The following IGFBP7 variants were observed in gnomAD, a reference collection of about 807,000 sequenced individuals.
IGFBP7 encodes insulin like growth factor binding protein 7, also known as insulin-like growth factor-binding protein 7.
A neutral mutation model predicts 29.4 loss-of-function variants in IGFBP7; 31 were observed. The observed-to-expected ratio is 1.05, with a 90% confidence interval of 0.79 to 1.42. The LOEUF (loss-of-function observed/expected upper bound fraction) is 1.42, where lower values mean the gene tolerates loss of function less well. IGFBP7 is among the 40% of genes most tolerant of loss of function. The pLI is 0.00. For missense variants in IGFBP7, 393 were observed against 395.5 expected (o/e 0.99, Z 0.05); for synonymous variants, 172 against 174.9 (o/e 0.98, Z 0.13).
At chr4:57,049,351 G>A (rs1185248358) in intron 1 of IGFBP7, among the ~76,000 whole-genome samples, 2 of 151,888 alleles carry the variant, frequency 1.3e-5, no homozygotes, top group East Asian at 1.9e-4. Context: ...TTTTTGCTTC[G>A]TTGCTTTCTC....
intron 1 of IGFBP7, chr4:57,072,976 C>T (rs771721604): frequency 3.9e-5 from 33 of 845,452 alleles, no homozygotes; most frequent in Non-Finnish European, 5.6e-5. Flanking sequence ...TGTATGATGT[C>T]AGGACCATCC....
chr4:57,081,243 CA>C (rs1725359822), intron 1 of IGFBP7, among the ~76,000 whole-genome samples: 1 of 152,012 alleles, frequency 6.6e-6, no homozygotes, highest in South Asian at 2.1e-4. Context: ...TGGAATTGCC[CA>C]TTTTTTTTTC....
chr4:57,035,575 C>T (rs975015518), intron 2 of IGFBP7, among the ~76,000 whole-genome samples: 2 of 152,218 alleles, frequency 1.3e-5, no homozygotes, highest in Non-Finnish European at 2.9e-5. Flanking sequence ...ATTCTCCTGC[C>T]TCAGCTTCCC....
chr4:57,079,840 C>G (rs746635845), intron 1 of IGFBP7, among the ~76,000 whole-genome samples: 1 of 152,194 alleles, frequency 6.6e-6, no homozygotes, highest in Non-Finnish European at 1.5e-5. Flanking sequence ...TTATCATTTA[C>G]TGAGTTTACT....
chr4:57,030,875 T>C lies in IGFBP7; in HGVS notation c.*442A>G. On this transcript the variant is annotated 3_prime_UTR_variant, in exon 5 of 5. Transcript: ENST00000295666. ...GGTCACTTCAATACAATTCTGCTAA[T>C]TACCATTTGTTTTTTCTTTTCAGAT... The C allele has an allele frequency of 7.0e-7, 1 of 1,433,258 alleles. No individual in the cohort carries two copies. Among genetic ancestry groups the C allele is most frequent in the Non-Finnish European group, 9.9e-7 (1 of 1,014,742 alleles). The allele number at this position is 1,433,258 out of a possible 1,614,324, so 88.8% of individuals were successfully genotyped here. A position where few individuals can be genotyped will look rare whatever the true frequency, so the allele number is the denominator to read the frequency against.
At chr4:57,036,911 T>C (rs1051018908) in intron 2 of IGFBP7, among the ~76,000 whole-genome samples, 21 of 152,318 alleles carry the variant, frequency 1.4e-4, no homozygotes, top group African/African-American at 5.1e-4. Flanking sequence ...TGATAGTAAA[T>C]ATGTTTGTAT....
intron 1 of IGFBP7, among the ~76,000 whole-genome samples, chr4:57,077,577 C>A (rs1461904349): frequency 1.3e-5 from 2 of 152,174 alleles, no homozygotes; most frequent in Non-Finnish European, 2.9e-5. Flanking sequence ...CACAGCTGAC[C>A]AAAAGAAGGC....
At chr4:57,070,636 C>T (rs1382569759) in intron 1 of IGFBP7, among the ~76,000 whole-genome samples, 2 of 152,176 alleles carry the variant, frequency 1.3e-5, no homozygotes, top group Admixed American at 6.5e-5. Context: ...TGATGTAAGG[C>T]TCTCAATCTC....
At chr4:57,045,924 C>T (rs1724346851) in intron 1 of IGFBP7, among the ~76,000 whole-genome samples, 1 of 152,020 alleles carries the variant, frequency 6.6e-6, no homozygotes, top group South Asian at 2.1e-4. Flanking sequence ...TGGGGTTTCA[C>T]CATGTTGGCC....
chr4:57,099,444 A>G (rs1392170431), intron 1 of IGFBP7, among the ~76,000 whole-genome samples: 2 of 152,182 alleles, frequency 1.3e-5, no homozygotes, highest in African/African-American at 4.8e-5. Context: ...TTATTACTCA[A>G]ACTGGGAAAA....
At chr4:57,070,815 C>A (rs1290094304) in intron 1 of IGFBP7, among the ~76,000 whole-genome samples, 1 of 152,228 alleles carries the variant, frequency 6.6e-6, no homozygotes, top group African/African-American at 2.4e-5. Context: ...ATGTTCAGTG[C>A]ATTTTTCTAC....
intron 2 of IGFBP7, among the ~76,000 whole-genome samples, chr4:57,040,269 C>T (rs772540321): frequency 6.6e-6 from 1 of 152,136 alleles, no homozygotes; most frequent in Non-Finnish European, 1.5e-5. Context: ...GAGAAGGCTA[C>T]AGGGCTTTGT....
chr4:57,051,888 ACTTTCAT>A (rs1363685999), intron 1 of IGFBP7, among the ~76,000 whole-genome samples: 2 of 152,158 alleles, frequency 1.3e-5, no homozygotes, highest in Non-Finnish European at 2.9e-5. Flanking sequence ...CAGAAATTAG[ACTTTCAT>A]CAAGGAAGGT....
At chr4:57,076,290 C>T (rs960154472) in intron 1 of IGFBP7, among the ~76,000 whole-genome samples, 1 of 152,164 alleles carries the variant, frequency 6.6e-6, no homozygotes, top group African/African-American at 2.4e-5. Context: ...CTGGGGGACA[C>T]CAATATTCAG....
At position 57,110,197 on chromosome 4, in the gene IGFBP7, T is replaced by C. The variant is rs1433927593; in HGVS notation, c.155A>G (p.Glu52Gly). The C allele has an allele frequency of 7.2e-7, 1 of 1,383,182 alleles. No individual in the cohort carries two copies. Among genetic ancestry groups the C allele is most frequent in the Non-Finnish European group, 9.3e-7 (1 of 1,077,754 alleles). 85.7% of individuals were successfully genotyped at this position (1,383,182 alleles called of 1,614,324 possible). ...PLPPLGCLLG[E>G]TRDACGCCPM... ...GCAGCAGCCGCACGCGTCGCGGGTC[T>C]CGCCCAGCAGGCAGCCCAGCGGGGG... The change falls in exon 1 of 5, where the codon GAG becomes GGG. Residue 52 changes from glutamate to glycine, a missense_variant. Physicochemically the swap from Glu to Gly is moderately conservative, Grantham distance 98. Coordinates refer to ENST00000295666, the MANE Select transcript of IGFBP7 (RefSeq NM_001553.3).
intron 1 of IGFBP7, among the ~76,000 whole-genome samples, chr4:57,072,443 G>A (rs985987921): frequency 1.4e-4 from 22 of 152,160 alleles, no homozygotes; most frequent in African/African-American, 4.6e-4. Context: ...TGTGGCAGAA[G>A]GATTGCTTGA....
intron 2 of IGFBP7, among the ~76,000 whole-genome samples, chr4:57,038,296 T>C (rs1449779253): frequency 6.6e-6 from 1 of 152,164 alleles, no homozygotes; most frequent in Non-Finnish European, 1.5e-5. Context: ...GTCTTTAAGC[T>C]GTAATAAAAA....
At position 57,048,507 on chromosome 4, in the gene IGFBP7, A is replaced by G. The variant is rs545329665; in HGVS notation, c.476-7574T>C. Among the ~76,000 whole-genome samples, 7 of 152,358 alleles carry G rather than the reference A, an allele frequency of 4.6e-5. No individual in the cohort carries two copies. In the East Asian group the frequency reaches 1.3e-3, roughly 29 times the overall value. Reference sequence around the variant, plus strand: ...AGATGGATGGATTTAAATTTGGAGTATTATGAGTTGGTTCAGAAGAATTTA... The same window carrying G: ...AGATGGATGGATTTAAATTTGGAGTGTTATGAGTTGGTTCAGAAGAATTTA... On this transcript the variant is annotated intron_variant, in intron 1 of 4. Transcript: ENST00000295666.
At chr4:57,054,397 G>A (rs1611781) in intron 1 of IGFBP7, among the ~76,000 whole-genome samples, 125,774 of 151,966 alleles carry the variant, frequency 0.83, 52,543 homozygotes, top group East Asian at 0.94. Flanking sequence ...CACTTTGGGA[G>A]GCCAAGGTGG....
Sources: allele counts gnomAD v4.1 joint callset (sites outside exome capture counted in the v4.1 genomes callset), GRCh38; gene constraint gnomAD v4.1.1; transcripts MANE v1.5; gene names NCBI Gene and HGNC (gene_info 2026-07-23, HGNC 2026-07-21).